STK3: variants seen among roughly 807,000 people sequenced by gnomAD.
The protein encoded by STK3 is serine/threonine kinase 3, also known as serine/threonine-protein kinase 3.
In STK3, 41 loss-of-function variants were observed where a neutral mutation model predicts 58.0. The observed-to-expected ratio is 0.71, with a 90% CI of 0.55 to 0.92. The LOEUF (loss-of-function observed/expected upper bound fraction) is 0.92. Among genes scored for constraint, STK3 ranks in the 40% least tolerant of loss-of-function variants. The probability of loss-of-function intolerance (pLI) is 0.00; values close to 1 mark genes in which losing one functional copy is unlikely to be tolerated. For missense variants in STK3, 479 were observed against 602.7 expected (o/e 0.79, Z 2.15); for synonymous variants, 170 against 191.0 (o/e 0.89, Z 0.91).
intron 9 of STK3, among the ~76,000 whole-genome samples, chr8:98,537,193 A>G (rs1008719744): frequency 5.3e-5 from 8 of 152,240 alleles, no homozygotes; most frequent in African/African-American, 1.9e-4. Flanking sequence ...TCAAATGTAT[A>G]ATGTATGTGC....
At chr8:98,470,231 A>G (rs1212470104) in intron 10 of STK3, among the ~76,000 whole-genome samples, 1 of 152,220 alleles carries the variant, frequency 6.6e-6, no homozygotes, top group Non-Finnish European at 1.5e-5. Flanking sequence ...AACACTGCCC[A>G]TTTCTGGATA....
At chr8:98,638,445 TG>T (rs2130582556) in intron 6 of STK3, 1 of 152,342 alleles carries the variant, frequency 6.6e-6, no homozygotes, top group African/African-American at 2.4e-5. Context: ...ACTGCATGAC[TG>T]TTAAATCACT....
intron 10 of STK3, among the ~76,000 whole-genome samples, chr8:98,464,825 G>A (rs1294762043): frequency 6.6e-6 from 1 of 152,112 alleles, no homozygotes; most frequent in Non-Finnish European, 1.5e-5. Context: ...CTTAAAAGCT[G>A]CATTAACATC....
At chr8:98,936,624 G>T (rs1840208343) in intron 1 of STK3, among the ~76,000 whole-genome samples, 1 of 152,234 alleles carries the variant, frequency 6.6e-6, no homozygotes, top group Admixed American at 6.5e-5. Flanking sequence ...AGACAGAGGG[G>T]GAGCAGGACT....
intron 8 of STK3, among the ~76,000 whole-genome samples, chr8:98,558,960 T>C (rs1389761277): frequency 1.3e-5 from 2 of 152,104 alleles, no homozygotes; most frequent in Admixed American, 1.3e-4. Context: ...GATTTTAACA[T>C]ACAGTTTACA....
At chr8:98,598,157 C>A in intron 6 of STK3, 6 of 985,400 alleles carry the variant, frequency 6.1e-6, no homozygotes, top group Non-Finnish European at 7.2e-6. Flanking sequence ...ATCTGCACTT[C>A]TGTTGTAAAC....
At chr8:98,602,520 A>G (rs1816431555) in intron 6 of STK3, among the ~76,000 whole-genome samples, 1 of 152,244 alleles carries the variant, frequency 6.6e-6, no homozygotes, top group Non-Finnish European at 1.5e-5. Flanking sequence ...ACCCAGTCTA[A>G]GGTATTTTGT....
At chr8:98,526,618 T>C (rs1304753765) in intron 10 of STK3, 124 bp downstream of exon 10, 1 of 784,660 alleles carries the variant, frequency 1.3e-6, no homozygotes, top group African/African-American at 1.8e-5. Flanking sequence ...ATAATGAATA[T>C]TAACATATGG....
intron 6 of STK3, among the ~76,000 whole-genome samples, chr8:98,602,677 A>T (rs1319213208): frequency 6.6e-6 from 1 of 152,220 alleles, no homozygotes; most frequent in East Asian, 1.9e-4. Context: ...GAACATACTG[A>T]TTTACTTCAA....
At chr8:98,708,479 G>A (rs904322552) in intron 4 of STK3, among the ~76,000 whole-genome samples, 7 of 151,930 alleles carry the variant, frequency 4.6e-5, no homozygotes, top group Non-Finnish European at 7.4e-5. Flanking sequence ...AAGAAAAAAC[G>A]TCAGAGAAAG....
chr8:98,453,080 G>GTTTT (rs919288019), downstream of STK3, among the ~76,000 whole-genome samples: 20 of 39,674 alleles, frequency 5.0e-4, no homozygotes, highest in Non-Finnish European at 5.6e-4. Flanking sequence ...TTTCTTTCTT[G>GTTTT]TTTTTTTTTT....
At chr8:98,550,061 G>A (rs1811040150) in intron 8 of STK3, among the ~76,000 whole-genome samples, 1 of 152,032 alleles carries the variant, frequency 6.6e-6, no homozygotes, top group African/African-American at 2.4e-5. Flanking sequence ...GATTACGCAC[G>A]GAAATTCATT....
intron 6 of STK3, among the ~76,000 whole-genome samples, chr8:98,630,209 T>A (rs1197825223): frequency 6.6e-6 from 1 of 152,204 alleles, no homozygotes; most frequent in African/African-American, 2.4e-5. Context: ...ACTGTATCAA[T>A]CTTTTCAATG....
intron 6 of STK3, among the ~76,000 whole-genome samples, chr8:98,603,533 G>A (rs1336038952): frequency 6.6e-6 from 1 of 152,052 alleles, no homozygotes; most frequent in African/African-American, 2.4e-5. Flanking sequence ...CACCGCACCT[G>A]GCCTATGACA....
chr8:98,904,699 A>C (rs956274691), intron 1 of STK3: 59 of 783,272 alleles, frequency 7.5e-5, no homozygotes, highest in Admixed American at 7.4e-5. Context: ...GAAATAACTC[A>C]CTCTCTGGCC....
At chr8:98,365,024 C>T in the STK3 span, among the ~76,000 whole-genome samples, 1 of 152,156 alleles carries the variant, frequency 6.6e-6, no homozygotes, top group African/African-American at 2.4e-5. Flanking sequence ...TAATGACTTC[C>T]GCTGTTGCTG....
At chr8:98,869,370 G>A (rs1010391168) in intron 3 of STK3, among the ~76,000 whole-genome samples, 52 of 152,106 alleles carry the variant, frequency 3.4e-4, no homozygotes, top group African/African-American at 1.2e-3. Flanking sequence ...ACAGTGAGCC[G>A]AAATTGTGCC....
chr8:98,742,772 A>T (rs1412093588), intron 4 of STK3, among the ~76,000 whole-genome samples: 1 of 151,894 alleles, frequency 6.6e-6, no homozygotes, highest in Non-Finnish European at 1.5e-5. Flanking sequence ...TTCAATTAGG[A>T]AAAGAGGAAG....
At chr8:98,529,453 G>A (rs10100577) in intron 9 of STK3, among the ~76,000 whole-genome samples, 62,877 of 151,650 alleles carry the variant, frequency 0.41, 13,176 homozygotes, top group Admixed American at 0.54. Flanking sequence ...TTCATCAAAA[G>A]AATTCTGTCT....
Sources: allele counts gnomAD v4.1 joint callset (sites outside exome capture counted in the v4.1 genomes callset), GRCh38; gene constraint gnomAD v4.1.1; transcripts MANE v1.5; gene names NCBI Gene and HGNC (gene_info 2026-07-23, HGNC 2026-07-21).